Variants in ATP11B observed in about 807,000 individuals in gnomAD.
ATP11B encodes ATPase phospholipid transporting 11B (putative).
In ATP11B, 81 loss-of-function variants were observed where a neutral mutation model predicts 157.8. That is an observed-to-expected ratio of 0.51 (90% confidence interval 0.43 to 0.62). The LOEUF (loss-of-function observed/expected upper bound fraction) is 0.62. Ranked by LOEUF, ATP11B falls within the 20% of genes least tolerant of loss-of-function variation. The pLI, the probability that ATP11B is intolerant of heterozygous loss-of-function variation, is 0.00. For synonymous variants in ATP11B, 451 were observed against 469.4 expected (o/e 0.96, Z 0.51); for missense variants, 1,165 against 1,402.2 (o/e 0.83, Z 2.70).
At chr3:182,882,801 C>T (rs1449992843) in intron 21 of ATP11B, among the ~76,000 whole-genome samples, 1 of 151,970 alleles carries the variant, frequency 6.6e-6, no homozygotes, top group African/African-American at 2.4e-5. Context: ...TTGTAATAAT[C>T]CTGGTATACA....
intron 20 of ATP11B, among the ~76,000 whole-genome samples, chr3:182,880,317 CAG>C (rs1257606125): frequency 6.6e-6 from 1 of 152,112 alleles, no homozygotes; most frequent in Non-Finnish European, 1.5e-5. Flanking sequence ...AATTTTGTTA[CAG>C]TACTGATACT....
In ATP11B at chr3:182,918,201, C is replaced by T; in HGVS notation, c.*97C>T. ...GCCACACTAGCTCTGAAATTAATTT[C>T]CAAAATCTTTGTAGTAGTTCATACC... is the stretch of plus-strand genomic sequence containing the variant. On this transcript the variant is annotated 3_prime_UTR_variant, in exon 30 of 30. Coordinates refer to ENST00000323116, the MANE Select transcript of ATP11B (RefSeq NM_014616.3). 6.5e-7 allele frequency: 1 copy of T among 1,544,180 alleles called. No homozygotes were observed. The highest frequency in any genetic ancestry group is 8.8e-7 in the Non-Finnish European group (1 of 1,141,608).
chr3:182,913,560 A>G (rs1016024719), intron 28 of ATP11B, among the ~76,000 whole-genome samples: 4 of 152,248 alleles, frequency 2.6e-5, no homozygotes, highest in African/African-American at 9.6e-5. Context: ...GTTGATGGAA[A>G]TCATTTTGAC....
At chr3:182,808,151 T>A (rs1347472001) in intron 1 of ATP11B, among the ~76,000 whole-genome samples, 1 of 152,232 alleles carries the variant, frequency 6.6e-6, no homozygotes, top group African/African-American at 2.4e-5. Flanking sequence ...TTTCATCTCC[T>A]GAACTACAAG....
chr3:182,804,300 C>G (rs1207444817), intron 1 of ATP11B, among the ~76,000 whole-genome samples: 2 of 151,278 alleles, frequency 1.3e-5, no homozygotes, highest in Non-Finnish European at 2.9e-5. Context: ...GGCTGAAGTG[C>G]AGTGGCGTGA....
At position 182,835,941 on chromosome 3, in the gene ATP11B, G is replaced by A. The variant is rs2108510449; in HGVS notation, c.316-94G>A. On this transcript the variant is annotated intron_variant, in intron 4 of 29. Coordinates refer to ENST00000323116, the MANE Select transcript of ATP11B (RefSeq NM_014616.3). ...GCCTCATATGATTCTGGAATGTAGT[G>A]TTCCAGGGAAGTTTTTGAGTTTTTT... The A allele has an allele frequency of 5.7e-6, 5 of 874,812 alleles. No homozygotes were observed. The South Asian group carries it at 7.1e-5, about 12-fold the overall frequency. The allele number at this position is 874,812 out of a possible 1,614,324, so 54.2% of individuals were successfully genotyped here.
chr3:182,890,500 G>A (rs1723104096), intron 25 of ATP11B, among the ~76,000 whole-genome samples: 1 of 152,102 alleles, frequency 6.6e-6, no homozygotes, highest in African/African-American at 2.4e-5. Context: ...AAATGAGCAA[G>A]TAAACTAATA....
chr3:182,848,405 G>A, intron 9 of ATP11B, 71 bp from the exon 10 acceptor site: 1 of 916,460 alleles, frequency 1.1e-6, no homozygotes, highest in Non-Finnish European at 1.6e-6. Flanking sequence ...TTTCATGCTG[G>A]TAAATATATT....
intron 4 of ATP11B, among the ~76,000 whole-genome samples, chr3:182,831,800 A>G (rs963240384): frequency 6.6e-6 from 1 of 152,002 alleles, no homozygotes; most frequent in Non-Finnish European, 1.5e-5. Context: ...CATATCATTT[A>G]TTCTTTTGTT....
chr3:182,892,862 A>C (rs181373461), intron 25 of ATP11B, among the ~76,000 whole-genome samples: 2 of 152,298 alleles, frequency 1.3e-5, no homozygotes, highest in African/African-American at 4.8e-5. Context: ...CCTTCAGAGC[A>C]CTATACAAAA....
chr3:182,918,689 T>C lies in ATP11B; in HGVS notation c.*585T>C, dbSNP rs1725286960. The C allele has an allele frequency of 3.9e-6, 1 of 253,498 alleles. No individual in the cohort carries two copies. The highest frequency in any genetic ancestry group is 2.2e-5 in the African/African-American group (1 of 45,348). 15.7% of individuals were successfully genotyped at this position (253,498 alleles called of 1,614,324 possible). Reference sequence around the variant, plus strand: ...AATTAGGAGAATCATTTCCAACCATTATTTACTGCAGTATGGGGAGTAAAT... The same window carrying C: ...AATTAGGAGAATCATTTCCAACCATCATTTACTGCAGTATGGGGAGTAAAT... On this transcript the variant is annotated 3_prime_UTR_variant, in exon 30 of 30. Transcript: ENST00000323116.
chr3:182,829,957 A>C, intron 4 of ATP11B: 6 of 985,186 alleles, frequency 6.1e-6, no homozygotes, highest in Non-Finnish European at 7.2e-6. Flanking sequence ...TAACATCGTT[A>C]AAATATGTAG....
intron 12 of ATP11B, among the ~76,000 whole-genome samples, chr3:182,864,752 C>T (rs760968300): frequency 1.3e-5 from 2 of 151,996 alleles, no homozygotes; most frequent in Non-Finnish European, 2.9e-5. Context: ...GTCATTATTG[C>T]AGTAATCAGA....
chr3:182,892,531 G>T (rs953923744), intron 25 of ATP11B, among the ~76,000 whole-genome samples: 2 of 152,064 alleles, frequency 1.3e-5, no homozygotes, highest in African/African-American at 4.8e-5. Context: ...TAATAGTTTG[G>T]GTTTAAGGGT....
Position 182,858,002 on chromosome 3 carries a change from A to G in ATP11B, c.976A>G (p.Thr326Ala), listed in dbSNP as rs1333443042. Residue 326 changes from threonine to alanine, a missense_variant, in exon 11 of 30, where the codon ACA becomes GCA. Physicochemically the swap from Thr to Ala is moderately conservative, Grantham distance 58. Coordinates refer to ENST00000323116, the MANE Select transcript of ATP11B (RefSeq NM_014616.3). ...KWDEPWYNQK[T>A]EHQRNSSKIL... The stretch of plus-strand genomic sequence containing the variant: ...GGATGAACCTTGGTATAACCAAAAA[A>G]CAGAACATCAAAGAAATAGCAGTAA... The G allele has an allele frequency of 1.9e-6, 3 of 1,612,164 alleles. No individual in the cohort carries two copies. Among genetic ancestry groups the G allele is most frequent in the African/African-American group, 2.7e-5 (2 of 74,904 alleles).
In ATP11B at chr3:182,918,056, C is replaced by T. The variant is rs372790774; in HGVS notation, c.3486C>T (p.Asn1162=). 7.4e-6 allele frequency: 12 copies of T among 1,613,286 alleles called. No homozygotes were observed. Among genetic ancestry groups the T allele is most frequent in the South Asian group, 2.2e-5 (2 of 90,994 alleles). ...GTGCATCGGATCCTTTCTATACCAA[C>T]GACAGGAGCATCTTGACTCTCTCCA... The part of the protein sequence containing the change: ...SWSASDPFYT[N]DRSILTLSTM... The change falls in exon 30 of 30, where the codon AAC becomes AAT. Residue 1162 remains asparagine (N), a synonymous_variant. Transcript: ENST00000323116.
Position 182,836,383 on chromosome 3 carries a change from T to G in ATP11B, c.465T>G (p.Pro155=), listed in dbSNP as rs757526527. Residue 155 remains proline (P), a synonymous_variant, in exon 6 of 30, where the codon CCT becomes CCG. Coordinates refer to ENST00000323116, the MANE Select transcript of ATP11B (RefSeq NM_014616.3). ...GAATAGCCAAAGATGAAATTTTTCCTGCAGACTTGGTGCTTCTGTCCTCAG... is the reference window on the plus strand; with the variant it reads ...GAATAGCCAAAGATGAAATTTTTCCGGCAGACTTGGTGCTTCTGTCCTCAG... ...IVRIAKDEIF[P]ADLVLLSSDR... is the part of the protein sequence containing the mutation. 1 of 1,613,940 alleles carries G rather than the reference T, an allele frequency of 6.2e-7. No homozygotes were observed. The highest frequency in any genetic ancestry group is 1.3e-5 in the African/African-American group (1 of 75,034).
chr3:182,840,134 T>A (rs1351922380), intron 7 of ATP11B, among the ~76,000 whole-genome samples: 1 of 152,202 alleles, frequency 6.6e-6, no homozygotes, highest in Non-Finnish European at 1.5e-5. Flanking sequence ...AAATACTGTA[T>A]GGTACCTCAT....
chr3:182,875,731 G>A (rs773874054), intron 19 of ATP11B, among the ~76,000 whole-genome samples: 11 of 152,260 alleles, frequency 7.2e-5, no homozygotes, highest in Non-Finnish European at 1.5e-4. Flanking sequence ...GTGAGCCACC[G>A]CACCCGGCCC....
Sources: allele counts gnomAD v4.1 joint callset (sites outside exome capture counted in the v4.1 genomes callset), GRCh38; gene constraint gnomAD v4.1.1; transcripts MANE v1.5; gene names NCBI Gene and HGNC (gene_info 2026-07-23, HGNC 2026-07-21).